URB1: variants seen among roughly 807,000 people sequenced by gnomAD.
URB1 encodes nucleolar pre-ribosomal-associated protein 1.
URB1 carries 197 observed loss-of-function variants against 242.3 expected under a neutral mutation model. The ratio of observed to expected loss-of-function variants is 0.81; its 90% CI spans 0.72 to 0.91. The LOEUF (loss-of-function observed/expected upper bound fraction) is 0.91. Among genes scored for constraint, URB1 ranks in the 40% least tolerant of loss-of-function variants. The pLI is 0.00. For missense variants in URB1, 2,721 were observed against 2,860.5 expected (o/e 0.95, Z 1.11); for synonymous variants, 1,153 against 1,201.8 (o/e 0.96, Z 0.84).
intron 1 of URB1, among the ~76,000 whole-genome samples, chr21:32,386,840 T>C (rs1568835398): frequency 6.6e-6 from 1 of 152,112 alleles, no homozygotes; most frequent in Non-Finnish European, 1.5e-5. Context: ...TGTCCAAAGG[T>C]ACACAGCTTA....
chr21:32,379,849 G>A (rs1410829560), intron 4 of URB1, among the ~76,000 whole-genome samples: 1 of 152,060 alleles, frequency 6.6e-6, no homozygotes, highest in African/African-American at 2.4e-5. Flanking sequence ...AATTAGCTGG[G>A]TATGGTGGTA....
At chr21:32,379,106 G>A (rs2033493063) in intron 4 of URB1, among the ~76,000 whole-genome samples, 1 of 152,222 alleles carries the variant, frequency 6.6e-6, no homozygotes, top group Admixed American at 6.5e-5. Context: ...GTTGTAGCCA[G>A]CACTGTCCAC....
chr21:32,354,225 G>A (rs538094846), intron 17 of URB1, 122 bp from the exon 18 acceptor site: 3 of 1,122,934 alleles, frequency 2.7e-6, no homozygotes, highest in South Asian at 1.6e-5. Flanking sequence ...TCCTCTTGGG[G>A]GGAGCATTTA....
intron 22 of URB1, 132 bp downstream of exon 22, chr21:32,346,824 T>C: frequency 4.0e-6 from 5 of 1,263,696 alleles, no homozygotes; most frequent in Non-Finnish European, 5.3e-6. Context: ...ATCTTCAGAG[T>C]TGTGTCAGAC....
At chr21:32,335,330 G>C (rs372007660) in intron 28 of URB1, 1 of 152,540 alleles carries the variant, frequency 6.6e-6, no homozygotes, top group Non-Finnish European at 1.5e-5. Context: ...ACCCTGGCAC[G>C]AATCGGTCTT....
intron 4 of URB1, among the ~76,000 whole-genome samples, chr21:32,379,718 G>C (rs931926264): frequency 6.6e-6 from 1 of 152,132 alleles, no homozygotes; most frequent in African/African-American, 2.4e-5. Flanking sequence ...AGCCGGACAC[G>C]GTGGCTCATG....
At chr21:32,322,063 C>T (rs116751874) in intron 33 of URB1, 119 bp from the exon 34 acceptor site, 2 of 1,160,256 alleles carry the variant, frequency 1.7e-6, no homozygotes, top group Non-Finnish European at 1.2e-6. Context: ...GCCCTGACCT[C>T]CATGTCTGAT....
At chr21:32,359,649 T>C (rs1388875667) in intron 14 of URB1, 147 bp downstream of exon 14, 1 of 658,120 alleles carries the variant, frequency 1.5e-6, no homozygotes, top group African/African-American at 1.9e-5. Context: ...TCAGGACCTC[T>C]GCTGTGGGTC....
intron 12 of URB1, 71 bp from the exon 13 acceptor site, chr21:32,361,194 A>AGAAAGAAAGAAAGAAAGAAAGAAG: frequency 1.0e-6 from 1 of 955,870 alleles, no homozygotes. Flanking sequence ...AAAGAAAGAA[A>AGAAAGAAAGAAAGAAAGAAAGAAG]GAAAGAAAGA....
rs1485088596 is a variant in URB1 at position 32,350,793 on chromosome 21, T to C, written c.2743A>G (p.Thr915Ala). 1.3e-6 allele frequency: 2 copies of C among 1,551,460 alleles called. No individual in the cohort carries two copies. Among genetic ancestry groups the C allele is most frequent in the African/African-American group, 1.4e-5 (1 of 73,164 alleles). The change falls in exon 20 of 39, where the codon ACC becomes GCC. Residue 915 changes from threonine (T) to alanine (A), a missense_variant. Physicochemically the swap from Thr to Ala is moderately conservative, Grantham distance 58. Coordinates refer to ENST00000382751, the MANE Select transcript of URB1 (RefSeq NM_014825.3). ...DEHIQVQLQA[T>A]MPHLSMQQVL... ...TGCTGCATGGACAGGTGTGGCATGG[T>C]GGCCTGCAGCTGCACCTGGATGTGC...
At position 32,322,469 on chromosome 21, in the gene URB1, G is replaced by A. The variant is rs1350285570; in HGVS notation, c.5340+9C>T. The A allele has an allele frequency of 6.4e-7, 1 of 1,551,052 alleles. No individual in the cohort carries two copies. Among genetic ancestry groups the A allele is most frequent in the Non-Finnish European group, 8.7e-7 (1 of 1,146,008 alleles). ...CCTGCAGAAAGCCGTGAGGACTCTG[G>A]AAGCATACCTCAAAGTCGGAGCTGT... On this transcript the variant is annotated intron_variant, in intron 33 of 38. Coordinates refer to ENST00000382751, the MANE Select transcript of URB1 (RefSeq NM_014825.3).
intron 1 of URB1, among the ~76,000 whole-genome samples, chr21:32,390,961 C>T (rs1480341232): frequency 2.6e-5 from 4 of 152,172 alleles, no homozygotes; most frequent in Non-Finnish European, 5.9e-5. Context: ...AGACTTGGAA[C>T]CAACCCAAAT....
chr21:32,314,799 T>G lies in URB1; in HGVS notation c.*119A>C. 6.9e-7 allele frequency: 1 copy of G among 1,456,922 alleles called. No homozygotes were observed. The highest frequency in any genetic ancestry group is 1.3e-5 in the South Asian group (1 of 78,468). The allele number at this position is 1,456,922 out of a possible 1,614,324, so 90.2% of individuals were successfully genotyped here. A position where few individuals can be genotyped will look rare whatever the true frequency, so the allele number is the denominator to read the frequency against. ...TTCTTGTCAAAGAACTGAGCCAATG[T>G]ACTGAACCTGTTGTTTCCCATGCCT... On this transcript the variant is annotated 3_prime_UTR_variant, in exon 39 of 39. Transcript: ENST00000382751.
intron 35 of URB1, among the ~76,000 whole-genome samples, 157 bp from the exon 36 acceptor site, chr21:32,319,571 G>T (rs1480426783): frequency 6.6e-6 from 1 of 152,142 alleles, no homozygotes; most frequent in East Asian, 1.9e-4. Context: ...CTTCCACACA[G>T]GACAAGGTGC....
chr21:32,341,364 A>C, intron 25 of URB1, 102 bp downstream of exon 25: 15 of 1,132,872 alleles, frequency 1.3e-5, no homozygotes, highest in Non-Finnish European at 1.6e-5. Context: ...CATCGGCTCC[A>C]CCACGTGGAT....
chr21:32,317,204 G>A (rs1014257064), intron 37 of URB1, 139 bp from the exon 38 acceptor site: 1 of 1,209,484 alleles, frequency 8.3e-7, no homozygotes, highest in Non-Finnish European at 1.1e-6. Flanking sequence ...CACGTCAGGA[G>A]CCTGGTGAGT....
intron 27 of URB1, 44 bp from the exon 28 acceptor site, chr21:32,337,201 C>A (rs1355127669): frequency 1.4e-5 from 22 of 1,542,044 alleles, no homozygotes; most frequent in Non-Finnish European, 1.7e-5. Flanking sequence ...GAACCCCTGA[C>A]ACCCTCCTGC....
At chr21:32,333,140 C>T in intron 30 of URB1, 177 bp downstream of exon 30, 1 of 617,402 alleles carries the variant, frequency 1.6e-6, no homozygotes, top group Non-Finnish European at 2.8e-6. Flanking sequence ...AAAATACTAA[C>T]TGTGACTTTG....
chr21:32,322,773 T>A (rs951075645), intron 32 of URB1, among the ~76,000 whole-genome samples, 189 bp from the exon 33 acceptor site: 5 of 152,194 alleles, frequency 3.3e-5, no homozygotes, highest in African/African-American at 1.2e-4. Context: ...ATACCACACA[T>A]GGGCTTGCTC....
Sources: allele counts gnomAD v4.1 joint callset (sites outside exome capture counted in the v4.1 genomes callset), GRCh38; gene constraint gnomAD v4.1.1; transcripts MANE v1.5; gene names NCBI Gene and HGNC (gene_info 2026-07-23, HGNC 2026-07-21).